The following EXT2 variants were observed in gnomAD, a reference collection of about 807,000 sequenced individuals.
The protein encoded by EXT2 is exostosin glycosyltransferase 2.
A neutral mutation model predicts 81.6 loss-of-function variants in EXT2; 53 were observed. The observed-to-expected ratio is 0.65, with a 90% CI of 0.52 to 0.82. The LOEUF (loss-of-function observed/expected upper bound fraction) is 0.82. Ranked by LOEUF, EXT2 falls within the 40% of genes least tolerant of loss-of-function variation. EXT2 has a pLI of 0.00. For missense variants in EXT2, 774 were observed against 910.2 expected (o/e 0.85, Z 1.93); for synonymous variants, 320 against 340.0 (o/e 0.94, Z 0.65).
chr11:44,167,405 A>G (rs1181628737), intron 7 of EXT2, among the ~76,000 whole-genome samples: 2 of 152,172 alleles, frequency 1.3e-5, no homozygotes, highest in East Asian at 3.8e-4. Context: ...AGGCCTGCCA[A>G]GGTAGAGGGG....
At chr11:44,222,519 G>A (rs1323031454) in intron 10 of EXT2, among the ~76,000 whole-genome samples, 7 of 152,166 alleles carry the variant, frequency 4.6e-5, no homozygotes, top group Non-Finnish European at 1.0e-4. Flanking sequence ...CATATTCAGT[G>A]GAAAAGTCCT....
At chr11:44,183,066 G>A (rs1267892612) in intron 8 of EXT2, among the ~76,000 whole-genome samples, 1 of 152,176 alleles carries the variant, frequency 6.6e-6, no homozygotes, top group Non-Finnish European at 1.5e-5. Flanking sequence ...GCTTTTGCAT[G>A]ATGAGATTCA....
At chr11:44,123,002 C>G (rs75014642) in intron 4 of EXT2, among the ~76,000 whole-genome samples, 2 of 152,232 alleles carry the variant, frequency 1.3e-5, no homozygotes, top group African/African-American at 4.8e-5. Context: ...TGTTAAGTGC[C>G]TTTTGCTCTT....
intron 4 of EXT2, chr11:44,116,264 T>C (rs1449925395): frequency 1.3e-5 from 2 of 152,232 alleles, no homozygotes; most frequent in Non-Finnish European, 2.9e-5. Flanking sequence ...AACATAATTG[T>C]ACAATAAATG....
chr11:44,221,602 G>C (rs562124637), intron 10 of EXT2, among the ~76,000 whole-genome samples: 1 of 152,268 alleles, frequency 6.6e-6, no homozygotes, highest in South Asian at 2.1e-4. Flanking sequence ...ATGGTTTTGG[G>C]ATGTGGGGAA....
chr11:44,150,595 C>T (rs549897025), intron 7 of EXT2, among the ~76,000 whole-genome samples: 1 of 152,170 alleles, frequency 6.6e-6, no homozygotes, highest in Non-Finnish European at 1.5e-5. Context: ...AAATGGTTCT[C>T]AGCTGTTCCT....
chr11:44,102,148 A>G (rs926015720), intron 1 of EXT2, among the ~76,000 whole-genome samples: 1 of 152,178 alleles, frequency 6.6e-6, no homozygotes, highest in African/African-American at 2.4e-5. Flanking sequence ...ACATTCTCCC[A>G]TCCTTCCTCA....
chr11:44,128,391 C>G (rs957048984), intron 6 of EXT2, among the ~76,000 whole-genome samples: 1 of 152,198 alleles, frequency 6.6e-6, no homozygotes, highest in Non-Finnish European at 1.5e-5. Flanking sequence ...TGAGCCACTT[C>G]CAGCATTTAT....
intron 10 of EXT2, among the ~76,000 whole-genome samples, chr11:44,232,110 A>C (rs1955906300): frequency 6.6e-6 from 1 of 152,172 alleles, no homozygotes; most frequent in South Asian, 2.1e-4. Context: ...TTACCCCCAC[A>C]TTAATTGAAA....
intron 10 of EXT2, among the ~76,000 whole-genome samples, chr11:44,229,092 C>T (rs1228191541): frequency 3.3e-5 from 5 of 152,000 alleles, no homozygotes; most frequent in Admixed American, 6.6e-5. Context: ...TGGGGCCCTT[C>T]GGAAATCTCT....
intron 10 of EXT2, among the ~76,000 whole-genome samples, chr11:44,215,013 G>A (rs1955701012): frequency 6.6e-6 from 1 of 151,896 alleles, no homozygotes; most frequent in Non-Finnish European, 1.5e-5. Context: ...CTCCTGCCTC[G>A]GCCTCCCAAA....
intron 4 of EXT2, among the ~76,000 whole-genome samples, chr11:44,122,724 T>C (rs185586615): frequency 1.1e-4 from 16 of 152,320 alleles, no homozygotes; most frequent in African/African-American, 3.4e-4. Context: ...CTTACCGTCA[T>C]CCTGGCCTCT....
intron 8 of EXT2, among the ~76,000 whole-genome samples, chr11:44,186,532 G>T (rs544558613): frequency 6.6e-6 from 1 of 152,296 alleles, no homozygotes; most frequent in Non-Finnish European, 1.5e-5. Context: ...TGCTCTCCTT[G>T]ACAGTAGTTT....
chr11:44,212,068 G>A (rs529137478), intron 10 of EXT2, among the ~76,000 whole-genome samples: 245 of 151,960 alleles, frequency 1.6e-3, no homozygotes, highest in Middle Eastern at 3.4e-3. Context: ...AGCGGATCAC[G>A]AGGTCAGGAA....
At chr11:44,235,225 C>CTTTTTTTTTTTTTTTT (rs35214626) in intron 12 of EXT2, among the ~76,000 whole-genome samples, 2 of 50,768 alleles carry the variant, frequency 3.9e-5, no homozygotes, top group Non-Finnish European at 6.5e-5. Flanking sequence ...CCCAAATTTG[C>CTTTTTTTTTTTTTTTT]TTTTTTTTTT....
At chr11:44,179,970 A>G (rs1232263884) in intron 8 of EXT2, among the ~76,000 whole-genome samples, 1 of 152,226 alleles carries the variant, frequency 6.6e-6, no homozygotes, top group African/African-American at 2.4e-5. Context: ...CAGGTTAGAA[A>G]ACTTTACACA....
At position 44,179,169 on chromosome 11, in the gene EXT2, G is replaced by C. The variant is rs142259862; in HGVS notation, c.1305+7427G>C. 8.5e-3 allele frequency among the ~76,000 whole-genome samples: 1,296 copies of C among 152,254 alleles called. 23 individuals carry two copies. Among genetic ancestry groups the C allele is most frequent in the African/African-American group, 0.029 (1,206 of 41,526 alleles). On this transcript the variant is annotated intron_variant, in intron 8 of 13. Coordinates refer to ENST00000533608, the MANE Select transcript of EXT2 (RefSeq NM_207122.2). ...AAATCACAAGCCAGATCCAGATGGG[G>C]AGGATAGATAAAGAATATGAAAAGA...
Position 44,251,060 on chromosome 11 carries a change from G to C in EXT2, c.*6773G>C, listed in dbSNP as rs936990911. On this transcript the variant is annotated 3_prime_UTR_variant, in exon 14 of 14. Transcript: ENST00000533608. ...ACCAAAATACCTTGTCCTGTTTTCTGGATATAGTTCCAATAATTTTTTTCC... is the reference window on the plus strand; with the variant it reads ...ACCAAAATACCTTGTCCTGTTTTCTCGATATAGTTCCAATAATTTTTTTCC... Among the ~76,000 whole-genome samples the C allele has an allele frequency of 2.6e-5, 4 of 152,168 alleles. No homozygotes were observed. The highest frequency in any genetic ancestry group is 4.4e-5 in the Non-Finnish European group (3 of 68,024).
chr11:44,234,861 T>C (rs1024392535), intron 12 of EXT2, among the ~76,000 whole-genome samples: 8 of 152,204 alleles, frequency 5.3e-5, no homozygotes, highest in African/African-American at 1.9e-4. Context: ...TACACTTCTT[T>C]ATATGAGTAG....
Sources: gnomAD v4.1 joint callset for allele counts (sites outside exome capture counted in the v4.1 genomes callset) on GRCh38, gnomAD v4.1.1 for gene constraint, MANE v1.5 for transcripts, NCBI Gene and HGNC (gene_info 2026-07-23, HGNC 2026-07-21) for gene names.